Variants in CMIP observed in about 807,000 individuals in gnomAD.
CMIP encodes the protein C-Maf-inducing protein.
CMIP carries 13 observed loss-of-function variants against 97.3 expected under a neutral mutation model. That is an observed-to-expected ratio of 0.13 (90% CI 0.09 to 0.21). The LOEUF is 0.21. Among genes scored for constraint, CMIP ranks in the 10% least tolerant of loss-of-function variants. The probability of loss-of-function intolerance (pLI) is 1.00; values close to 1 mark genes in which losing one functional copy is unlikely to be tolerated. For synonymous variants in CMIP, 538 were observed against 436.3 expected (o/e 1.23, Z -2.91); for missense variants, 847 against 1,024.9 (o/e 0.83, Z 2.37).
chr16:81,690,561 T>TG (rs926604649), intron 10 of CMIP, among the ~76,000 whole-genome samples: 3 of 152,190 alleles, frequency 2.0e-5, no homozygotes, highest in Admixed American at 2.0e-4. Flanking sequence ...TAGAGTGCAG[T>TG]GGGGTGATCT....
intron 2 of CMIP, chr16:81,617,056 A>ACGTCT (rs750418574): frequency 2.6e-5 from 4 of 152,298 alleles, no homozygotes; most frequent in African/African-American, 4.8e-5. Flanking sequence ...GGCAGAGGAG[A>ACGTCT]CGCCAGGAGC....
chr16:81,591,026 G>T (rs953538351), intron 1 of CMIP, among the ~76,000 whole-genome samples: 2 of 152,250 alleles, frequency 1.3e-5, no homozygotes, highest in Non-Finnish European at 2.9e-5. Context: ...GTGAGACAGG[G>T]CATATGGCCC....
intron 1 of CMIP, among the ~76,000 whole-genome samples, chr16:81,516,410 A>T (rs1041114833): frequency 2.0e-5 from 3 of 152,168 alleles, no homozygotes; most frequent in African/African-American, 7.2e-5. Context: ...CTTTTCCTAA[A>T]GGAGCTCTAC....
At chr16:81,564,052 A>G (rs1156509165) in intron 1 of CMIP, among the ~76,000 whole-genome samples, 2 of 152,210 alleles carry the variant, frequency 1.3e-5, no homozygotes, top group Non-Finnish European at 2.9e-5. Flanking sequence ...CCTTCTACCT[A>G]GCAGTTTTAG....
chr16:81,534,824 T>G (rs2090310789), intron 1 of CMIP, among the ~76,000 whole-genome samples: 2 of 152,366 alleles, frequency 1.3e-5, no homozygotes, highest in African/African-American at 4.8e-5. Flanking sequence ...TGCTTTAAAA[T>G]ATTGCTATTA....
intron 3 of CMIP, among the ~76,000 whole-genome samples, chr16:81,633,219 G>A (rs990813713): frequency 6.6e-6 from 1 of 152,230 alleles, no homozygotes; most frequent in African/African-American, 2.4e-5. Flanking sequence ...TTGTTCTGCA[G>A]GCGTCTGCAG....
At chr16:81,647,161 AGTC>A (rs2150998148) in intron 3 of CMIP, among the ~76,000 whole-genome samples, 1 of 152,316 alleles carries the variant, frequency 6.6e-6, no homozygotes, top group Admixed American at 6.5e-5. Context: ...CGTAGGACGA[AGTC>A]GTATCTCTTT....
rs535956589 is a variant in CMIP, at chr16:81,452,788, G to A, written c.300+7247G>A. Among the ~76,000 whole-genome samples the A allele has an allele frequency of 2.0e-4, 31 of 151,688 alleles. No individual in the cohort carries two copies. The East Asian group carries it at 5.0e-3, about 25-fold the overall frequency. On this transcript the variant is annotated intron_variant, in intron 1 of 20. Coordinates refer to ENST00000537098, the MANE Select transcript of CMIP (RefSeq NM_198390.3). ...TAAAAAATTAATGAGTATGTAGAAT[G>A]TGCGAGGTGATGGACACACAGGCAG...
intron 1 of CMIP, among the ~76,000 whole-genome samples, chr16:81,533,572 G>A (rs890444016): frequency 6.6e-6 from 1 of 152,062 alleles, no homozygotes; most frequent in South Asian, 2.1e-4. Flanking sequence ...TCCGTCTCCC[G>A]GGTTCAAGCA....
rs1327058150 is a variant in CMIP at position 81,705,495 on chromosome 16, A to G, written c.2092-4A>G. 1 of 1,593,176 alleles carries G rather than the reference A, an allele frequency of 6.3e-7. No homozygotes were observed. Among genetic ancestry groups the G allele is most frequent in the Non-Finnish European group, 8.6e-7 (1 of 1,169,418 alleles). On this transcript the variant is annotated splice_region_variant and splice_polypyrimidine_tract_variant and intron_variant, in intron 18 of 20. Transcript: ENST00000537098. ...AGAGGGCTGAGAGTTTCTGTGCTCT[A>G]CAGTTTGGAGACGCTGGCCTTCGGC...
At chr16:81,677,847 G>C (rs1219636769) in intron 9 of CMIP, among the ~76,000 whole-genome samples, 1 of 152,198 alleles carries the variant, frequency 6.6e-6, no homozygotes, top group African/African-American at 2.4e-5. Context: ...TCAGGGATTG[G>C]AGGGCAGTTA....
intron 1 of CMIP, chr16:81,495,532 A>G: frequency 5.0e-6 from 8 of 1,607,840 alleles, no homozygotes; most frequent in Non-Finnish European, 6.8e-6. Flanking sequence ...GTCCAGCTTG[A>G]TGTCTGTGCC....
intron 7 of CMIP, chr16:81,666,595 G>T (rs562427135): frequency 6.6e-6 from 1 of 152,184 alleles, no homozygotes; most frequent in Admixed American, 6.5e-5. Flanking sequence ...CAGAGAGTAG[G>T]GACCCTCAGC....
intron 9 of CMIP, among the ~76,000 whole-genome samples, chr16:81,674,866 G>A (rs766603049): frequency 1.3e-5 from 2 of 152,040 alleles, no homozygotes; most frequent in African/African-American, 2.4e-5. Context: ...GATTACAGGC[G>A]TGAGCCACCA....
chr16:81,660,826 G>A (rs781494389), intron 5 of CMIP, 58 bp from the exon 6 acceptor site: 277 of 1,593,698 alleles, frequency 1.7e-4, no homozygotes, highest in Non-Finnish European at 2.0e-4. Flanking sequence ...GAGATTGTTC[G>A]AAGTCTTTCC....
At chr16:81,603,699 A>G (rs1260389381) in intron 1 of CMIP, among the ~76,000 whole-genome samples, 1 of 152,134 alleles carries the variant, frequency 6.6e-6, no homozygotes, top group African/African-American at 2.4e-5. Flanking sequence ...GGCTTTCCTC[A>G]TGTTTAATGA....
intron 10 of CMIP, among the ~76,000 whole-genome samples, chr16:81,680,202 G>A (rs1021460230): frequency 6.6e-6 from 1 of 152,220 alleles, no homozygotes; most frequent in African/African-American, 2.4e-5. Context: ...TGTGTGGGTG[G>A]GTGGGGTTTC....
chr16:81,664,237 G>T, intron 6 of CMIP, 32 bp from the exon 7 acceptor site: 1 of 1,563,598 alleles, frequency 6.4e-7, no homozygotes, highest in Non-Finnish European at 8.7e-7. Context: ...CATTCTTAGG[G>T]CCGCAGTAAC....
At chr16:81,529,157 G>A (rs1301758872) in intron 1 of CMIP, among the ~76,000 whole-genome samples, 4 of 152,214 alleles carry the variant, frequency 2.6e-5, no homozygotes, top group Non-Finnish European at 4.4e-5. Flanking sequence ...GGATATAAGG[G>A]GGGAAGAAGA....
Sources: gnomAD v4.1 joint callset for allele counts (sites outside exome capture counted in the v4.1 genomes callset) on GRCh38, gnomAD v4.1.1 for gene constraint, MANE v1.5 for transcripts, NCBI Gene and HGNC (gene_info 2026-07-23, HGNC 2026-07-21) for gene names.